The following DAP variants were observed in gnomAD, a reference collection of about 807,000 sequenced individuals.
DAP encodes the protein death associated protein.
DAP carries 8 observed loss-of-function variants against 13.8 expected under a neutral mutation model. The ratio of observed to expected loss-of-function variants is 0.58; its 90% confidence interval spans 0.34 to 1.05. The LOEUF (loss-of-function observed/expected upper bound fraction) is 1.05. Ranked by LOEUF, DAP falls within the 50% of genes least tolerant of loss-of-function variation. The pLI is 0.03. For missense variants in DAP, 106 were observed against 133.2 expected (o/e 0.80, Z 1.01); for synonymous variants, 47 against 47.5 (o/e 0.99, Z 0.04).
intron 2 of DAP, among the ~76,000 whole-genome samples, chr5:10,692,218 T>A (rs1278154845): frequency 7.4e-6 from 1 of 134,938 alleles, no homozygotes; most frequent in Non-Finnish European, 1.5e-5. Flanking sequence ...GTAACTCATA[T>A]AAAAATTGAG....
At chr5:10,742,824 T>C (rs1739793318) in intron 2 of DAP, among the ~76,000 whole-genome samples, 1 of 152,158 alleles carries the variant, frequency 6.6e-6, no homozygotes, top group Non-Finnish European at 1.5e-5. Context: ...GCGTCAGTTC[T>C]TTAGGCCCTC....
chr5:10,760,922 G>A (rs1255970949), intron 1 of DAP, 92 bp downstream of exon 1: 2 of 832,900 alleles, frequency 2.4e-6, no homozygotes, highest in Non-Finnish European at 3.1e-6. Context: ...AGCGCTCGCC[G>A]GGGCCCTCCC....
At chr5:10,693,017 T>C (rs990649383) in intron 2 of DAP, among the ~76,000 whole-genome samples, 2 of 152,188 alleles carry the variant, frequency 1.3e-5, no homozygotes, top group African/African-American at 4.8e-5. Flanking sequence ...GAGGGTCCGA[T>C]GTGCATCTGA....
At chr5:10,721,752 A>G (rs1183994758) in intron 2 of DAP, among the ~76,000 whole-genome samples, 1 of 152,248 alleles carries the variant, frequency 6.6e-6, no homozygotes, top group African/African-American at 2.4e-5. Context: ...AGTCATCAAT[A>G]CCAGCTACGA....
chr5:10,693,162 TA>T (rs1738349250), intron 2 of DAP, among the ~76,000 whole-genome samples: 3 of 149,678 alleles, frequency 2.0e-5, no homozygotes, highest in South Asian at 2.1e-4. Context: ...ACGTGCGTAG[TA>T]GTAGTGAAAC....
At chr5:10,760,300 A>G (rs951786757) in intron 1 of DAP, among the ~76,000 whole-genome samples, 3 of 152,148 alleles carry the variant, frequency 2.0e-5, no homozygotes, top group Non-Finnish European at 4.4e-5. Context: ...ACGGAAACAG[A>G]CCCGTCTGGA....
intron 2 of DAP, among the ~76,000 whole-genome samples, chr5:10,726,956 G>A (rs1579807826): frequency 6.6e-6 from 1 of 152,184 alleles, no homozygotes; most frequent in African/African-American, 2.4e-5. Flanking sequence ...ATTAGGGAAC[G>A]CTGACCTTGT....
chr5:10,719,476 C>T (rs1739080786), intron 2 of DAP, among the ~76,000 whole-genome samples: 1 of 152,174 alleles, frequency 6.6e-6, no homozygotes, highest in African/African-American at 2.4e-5. Context: ...GGAGCAAGGC[C>T]CTGCCATCTT....
At chr5:10,727,554 G>T (rs113079075) in intron 2 of DAP, among the ~76,000 whole-genome samples, 10 of 152,126 alleles carry the variant, frequency 6.6e-5, no homozygotes, top group Non-Finnish European at 8.8e-5. Context: ...GGGTTTAGAT[G>T]GGGGGGACTG....
intron 2 of DAP, among the ~76,000 whole-genome samples, chr5:10,690,329 TA>T (rs1738276367): frequency 6.6e-6 from 1 of 152,236 alleles, no homozygotes; most frequent in Non-Finnish European, 1.5e-5. Context: ...ACAAAAAAAT[TA>T]TGTACCATTT....
intron 1 of DAP, among the ~76,000 whole-genome samples, chr5:10,754,220 G>C (rs1259273798): frequency 1.3e-5 from 2 of 152,222 alleles, no homozygotes; most frequent in African/African-American, 4.8e-5. Context: ...TATGCAGAGA[G>C]TGGGTACTGA....
At chr5:10,683,478 C>T (rs1397688352) in intron 3 of DAP, 51 bp downstream of exon 3, 1 of 1,568,572 alleles carries the variant, frequency 6.4e-7, no homozygotes, top group East Asian at 2.2e-5. Context: ...CAGGAGACTC[C>T]ATGCTGCCAT....
chr5:10,743,984 A>G (rs565037063), intron 2 of DAP, among the ~76,000 whole-genome samples: 2 of 152,224 alleles, frequency 1.3e-5, no homozygotes, highest in African/African-American at 4.8e-5. Context: ...ATTAAAGGGA[A>G]TAAGAGTTGC....
chr5:10,743,568 G>A (rs188306257), intron 2 of DAP, among the ~76,000 whole-genome samples: 44 of 151,930 alleles, frequency 2.9e-4, no homozygotes, highest in Admixed American at 1.9e-3. Context: ...TTAATATCTT[G>A]TACCAAGCCC....
intron 1 of DAP, among the ~76,000 whole-genome samples, chr5:10,760,630 CTT>C (rs1740318145): frequency 6.6e-6 from 1 of 152,250 alleles, no homozygotes; most frequent in South Asian, 2.1e-4. Context: ...ACACCACTGA[CTT>C]TTCATTGCTT....
At position 10,683,333 on chromosome 5, in the gene DAP, A is replaced by G. The variant is rs534856591; in HGVS notation, c.195+196T>C. 9 of 677,934 alleles carry G rather than the reference A, an allele frequency of 1.3e-5. No individual in the cohort carries two copies. In the East Asian group the frequency reaches 1.9e-4, roughly 14 times the overall value. 42.0% of individuals were successfully genotyped at this position (677,934 alleles called of 1,614,324 possible). A position where few individuals can be genotyped will look rare whatever the true frequency, so the allele number is the denominator to read the frequency against. On this transcript the variant is annotated intron_variant, in intron 3 of 3. Coordinates refer to ENST00000230895, the MANE Select transcript of DAP (RefSeq NM_004394.3). ...CCAGACGGCGGCTCTGGAAAGGTAA[A>G]GGATGCGAGTCTGGCCTGCGGTCTG...
intron 2 of DAP, 27 bp downstream of exon 2, chr5:10,748,148 G>A (rs1395222861): frequency 3.3e-6 from 5 of 1,497,056 alleles, no homozygotes; most frequent in Non-Finnish European, 3.7e-6. Flanking sequence ...TGGAAAACAT[G>A]CTCAAGAGTC....
In DAP at chr5:10,761,001, A is replaced by G; in HGVS notation, c.55+13T>C. 8.1e-7 allele frequency: 1 copy of G among 1,231,324 alleles called. No homozygotes were observed. 76.3% of individuals were successfully genotyped at this position (1,231,324 alleles called of 1,614,324 possible). A position where few individuals can be genotyped will look rare whatever the true frequency, so the allele number is the denominator to read the frequency against. On this transcript the variant is annotated intron_variant, in intron 1 of 3. Coordinates refer to ENST00000230895, the MANE Select transcript of DAP (RefSeq NM_004394.3). ...GGCACCCGCGCGTGGAGAGAGAGGA[A>G]AAGAGTCAGTACCGGCGGGCGGGTG...
chr5:10,723,523 G>A (rs976422), intron 2 of DAP, among the ~76,000 whole-genome samples: 1 of 152,058 alleles, frequency 6.6e-6, no homozygotes, highest in Non-Finnish European at 1.5e-5. Context: ...CATTTCATTG[G>A]GATATTGGGG....
Sources: gnomAD v4.1 joint callset for allele counts (sites outside exome capture counted in the v4.1 genomes callset) on GRCh38, gnomAD v4.1.1 for gene constraint, MANE v1.5 for transcripts, NCBI Gene and HGNC (gene_info 2026-07-23, HGNC 2026-07-21) for gene names.